WDSUB1: variants seen among roughly 807,000 people sequenced by gnomAD.
WDSUB1 encodes the protein WD repeat, SAM and U-box domain-containing protein 1.
Under a neutral mutation model 53.9 loss-of-function variants are expected in WDSUB1, and 49 were observed. That is an observed-to-expected ratio of 0.91 (90% CI 0.72 to 1.15). The LOEUF is 1.15. Ranked by LOEUF, WDSUB1 falls within the 50% of genes most tolerant of loss-of-function variation. The probability of loss-of-function intolerance (pLI) is 0.00; values close to 1 mark genes in which losing one functional copy is unlikely to be tolerated. For missense variants in WDSUB1, 514 were observed against 562.0 expected (o/e 0.91, Z 0.86); for synonymous variants, 194 against 200.6 (o/e 0.97, Z 0.28).
intron 10 of WDSUB1, among the ~76,000 whole-genome samples, chr2:159,247,930 T>TATATATATATATAA (rs1559532319): frequency 9.4e-4 from 59 of 63,034 alleles, no homozygotes; most frequent in East Asian, 2.3e-3. Context: ...TATATATAAA[T>TATATATATATATAA]ATATATATAT....
At chr2:159,261,659 TC>T (rs971459291) in intron 5 of WDSUB1, among the ~76,000 whole-genome samples, 23 of 151,674 alleles carry the variant, frequency 1.5e-4, no homozygotes, top group African/African-American at 5.3e-4. Context: ...GAGTATAACT[TC>T]CCATGCTTGT....
intron 10 of WDSUB1, among the ~76,000 whole-genome samples, chr2:159,245,166 A>G (rs1197220956): frequency 6.6e-6 from 1 of 152,186 alleles, no homozygotes; most frequent in Non-Finnish European, 1.5e-5. Flanking sequence ...GAAATGCAAA[A>G]GGAGCAAGAA....
rs560644030 is a variant in WDSUB1 at position 159,285,728 on chromosome 2, A to T, written c.-25+855T>A. On this transcript the variant is annotated intron_variant, in intron 1 of 10. Coordinates refer to ENST00000359774, the MANE Select transcript of WDSUB1 (RefSeq NM_001128212.3). ...CAATCAATCAAACAAATATTAAGGC[A>T]TAAGGAGCATGCCTTTCCCTATCTT... Among the ~76,000 whole-genome samples the T allele has an allele frequency of 1.1e-4, 16 of 152,248 alleles. No homozygotes were observed. The South Asian group carries it at 1.9e-3, about 18-fold the overall frequency.
intron 10 of WDSUB1, among the ~76,000 whole-genome samples, chr2:159,246,431 CA>C (rs35443297): frequency 0.044 from 5,163 of 117,064 alleles, 283 homozygotes; most frequent in African/African-American, 0.17. Flanking sequence ...GAGTCTGTCT[CA>C]AAAAAAAAAA....
At chr2:159,264,117 C>A (rs1003475964) in intron 5 of WDSUB1, among the ~76,000 whole-genome samples, 5 of 152,104 alleles carry the variant, frequency 3.3e-5, no homozygotes, top group African/African-American at 7.2e-5. Context: ...ATATCTTCCC[C>A]CAATGTATCA....
chr2:159,280,548 G>A (rs35368189), intron 2 of WDSUB1, among the ~76,000 whole-genome samples: 52,736 of 149,270 alleles, frequency 0.35, 12,202 homozygotes, highest in Non-Finnish European at 0.54. Context: ...AAAATTAGCC[G>A]GGCGTAGTGG....
chr2:159,241,391 GTC>G lies in WDSUB1; in HGVS notation c.1274-5203_1274-5202del, dbSNP rs1380252971. Among the ~76,000 whole-genome samples the G allele has an allele frequency of 2.0e-5, 3 of 152,230 alleles. No homozygotes were observed. The East Asian group carries it at 5.8e-4, about 29-fold the overall frequency. Reference sequence around the variant, plus strand: ...AGCCTGGCCAACGTGGCAAAACCCTGTCTCTACTAAAAATACAAAAATTAGCC... The same window carrying G: ...AGCCTGGCCAACGTGGCAAAACCCTGTCTACTAAAAATACAAAAATTAGCC... On this transcript the variant is annotated intron_variant, in intron 10 of 10. Coordinates refer to ENST00000359774, the MANE Select transcript of WDSUB1 (RefSeq NM_001128212.3).
At chr2:159,276,393 T>C (rs990361297) in intron 3 of WDSUB1, among the ~76,000 whole-genome samples, 2 of 152,176 alleles carry the variant, frequency 1.3e-5, no homozygotes, top group African/African-American at 4.8e-5. Context: ...GCCTGATCTA[T>C]AGTTCACATG....
Position 159,277,153 on chromosome 2 carries a change from CA to C in WDSUB1, c.584-1516del, listed in dbSNP as rs375927316. On this transcript the variant is annotated intron_variant, in intron 3 of 10. Transcript: ENST00000359774. ...AAAGTACAAACACTTTACTAACGAACAACAAATTAAATTCCATTTCACTGAA... is the reference window on the plus strand; with the variant it reads ...AAAGTACAAACACTTTACTAACGAACACAAATTAAATTCCATTTCACTGAA... Among the ~76,000 whole-genome samples, 17 of 152,272 alleles carry C rather than the reference CA, an allele frequency of 1.1e-4. No individual in the cohort carries two copies. In the South Asian group the frequency reaches 3.5e-3, roughly 32 times the overall value.
chr2:159,256,325 C>A lies in WDSUB1; in HGVS notation c.1003G>T (p.Glu335Ter), dbSNP rs2061061139. ...GCACAAAGCCATGTTGAGACATCCTCCTCTGACCAATCTTCGGTAAATTGC... is the reference window on the plus strand; with the variant it reads ...GCACAAAGCCATGTTGAGACATCCTACTCTGACCAATCTTCGGTAAATTGC... ...LKQFTEDWSEEDVSTWLCAQD... is the reference protein window; with the variant it reads ...LKQFTEDWSE The change falls in exon 9 of 11, where the codon GAG becomes TAG. Residue 335 changes from glutamate to a stop codon, truncating the protein, a stop_gained. Coordinates refer to ENST00000359774, the MANE Select transcript of WDSUB1 (RefSeq NM_001128212.3). LOFTEE classifies it high-confidence loss of function. 1 of 1,611,880 alleles carries A rather than the reference C, an allele frequency of 6.2e-7. No individual in the cohort carries two copies. The highest frequency in any genetic ancestry group is 1.3e-5 in the African/African-American group (1 of 74,818).
At position 159,258,424 on chromosome 2, in the gene WDSUB1, C is replaced by T. The variant is rs1481449840; in HGVS notation, c.805-439G>A. 2.0e-5 allele frequency among the ~76,000 whole-genome samples: 3 copies of T among 152,270 alleles called. No individual in the cohort carries two copies. The South Asian group carries it at 6.2e-4, about 32-fold the overall frequency. On this transcript the variant is annotated intron_variant, in intron 6 of 10. Transcript: ENST00000359774. ...CTATAATCCCAGCATGTCGGGAGGC[C>T]GAGGCAGGTGGATCACTTGAGCTCA...
At chr2:159,258,927 G>A (rs1307845651) in intron 6 of WDSUB1, among the ~76,000 whole-genome samples, 2 of 152,090 alleles carry the variant, frequency 1.3e-5, no homozygotes, top group Non-Finnish European at 2.9e-5. Flanking sequence ...TGCTTAACTC[G>A]CTACCCTTTG....
chr2:159,242,337 G>A (rs1261223736), intron 10 of WDSUB1, among the ~76,000 whole-genome samples: 2 of 146,058 alleles, frequency 1.4e-5, no homozygotes, highest in Non-Finnish European at 3.0e-5. Flanking sequence ...GATTACAGGC[G>A]TGAGCCACCA....
At chr2:159,281,357 G>A (rs1558881951) in intron 2 of WDSUB1, among the ~76,000 whole-genome samples, 1 of 152,080 alleles carries the variant, frequency 6.6e-6, no homozygotes, top group Non-Finnish European at 1.5e-5. Flanking sequence ...TCTGACCTCA[G>A]CCTCTGGAGT....
intron 9 of WDSUB1, among the ~76,000 whole-genome samples, chr2:159,249,046 A>G (rs1295630717): frequency 2.0e-5 from 3 of 152,244 alleles, no homozygotes; most frequent in East Asian, 3.8e-4. Context: ...AGCAGCTAAT[A>G]GCTCATTTTA....
intron 10 of WDSUB1, among the ~76,000 whole-genome samples, chr2:159,240,965 G>A (rs1045173234): frequency 1.3e-5 from 2 of 152,224 alleles, no homozygotes; most frequent in Non-Finnish European, 2.9e-5. Flanking sequence ...CAGGGGATGA[G>A]AATGGCTGAA....
chr2:159,265,744 G>GAT (rs747117403), intron 5 of WDSUB1, among the ~76,000 whole-genome samples: 1 of 152,170 alleles, frequency 6.6e-6, no homozygotes, highest in Non-Finnish European at 1.5e-5. Flanking sequence ...AACAGCGGCT[G>GAT]ATATATATAA....
At chr2:159,236,258 G>GA (rs2060478786) in intron 10 of WDSUB1, 68 bp from the exon 11 acceptor site, 1 of 1,487,652 alleles carries the variant, frequency 6.7e-7, no homozygotes, top group Non-Finnish European at 9.1e-7. Context: ...AAAATGAAGT[G>GA]AATGTAAAAA....
At chr2:159,257,634 C>T (rs2061093871) in intron 8 of WDSUB1, 124 bp downstream of exon 8, 2 of 740,766 alleles carry the variant, frequency 2.7e-6, no homozygotes, top group East Asian at 2.7e-5. Context: ...GTGATACACC[C>T]ACCTTGGCCT....
Sources: gnomAD v4.1 joint callset for allele counts (sites outside exome capture counted in the v4.1 genomes callset) on GRCh38, gnomAD v4.1.1 for gene constraint, MANE v1.5 for transcripts, NCBI Gene and HGNC (gene_info 2026-07-23, HGNC 2026-07-21) for gene names.